YTHDF3: variants seen among roughly 807,000 people sequenced by gnomAD.
YTHDF3 encodes the protein YTH N6-methyladenosine RNA binding protein F3.
YTHDF3 carries 9 observed loss-of-function variants against 52.5 expected under a neutral mutation model. The ratio of observed to expected loss-of-function variants is 0.17; its 90% confidence interval spans 0.10 to 0.30. The LOEUF is 0.30. Ranked by LOEUF, YTHDF3 falls within the 10% of genes least tolerant of loss-of-function variation. YTHDF3 has a pLI of 1.00. For synonymous variants in YTHDF3, 274 were observed against 243.3 expected (o/e 1.13, Z -1.18); for missense variants, 534 against 715.0 (o/e 0.75, Z 2.89).
chr8:63,168,981 C>T lies in YTHDF3; in HGVS notation c.24+80C>T, dbSNP rs1036863792. Reference sequence around the variant, plus strand: ...CTCGCGCGGGGCTTCGGCTCCTCCCCGTCGCCGCCGCTGCCGGCCCCATAA... The same window carrying T: ...CTCGCGCGGGGCTTCGGCTCCTCCCTGTCGCCGCCGCTGCCGGCCCCATAA... On this transcript the variant is annotated intron_variant, in intron 1 of 4. Coordinates refer to ENST00000539294, the MANE Select transcript of YTHDF3 (RefSeq NM_152758.6). 101 of 1,508,938 alleles carry T rather than the reference C, an allele frequency of 6.7e-5. No individual in the cohort carries two copies. In the East Asian group the frequency reaches 2.5e-3, roughly 37 times the overall value. 93.5% of individuals were successfully genotyped at this position (1,508,938 alleles called of 1,614,324 possible).
intron 3 of YTHDF3, among the ~76,000 whole-genome samples, chr8:63,176,555 C>T (rs774411240): frequency 6.6e-6 from 1 of 152,040 alleles, no homozygotes; most frequent in South Asian, 2.1e-4. Context: ...GCTGGGATTA[C>T]AGGTGTGAGC....
intron 2 of YTHDF3, 106 bp downstream of exon 2, chr8:63,169,517 G>A (rs1345160640): frequency 8.1e-7 from 1 of 1,237,976 alleles, no homozygotes; most frequent in Non-Finnish European, 1.1e-6. Context: ...GGGAAAAAAT[G>A]TAGGATTAGG....
chr8:63,185,832 T>C (rs914892698), intron 3 of YTHDF3, among the ~76,000 whole-genome samples: 1 of 152,206 alleles, frequency 6.6e-6, no homozygotes, highest in African/African-American at 2.4e-5. Flanking sequence ...TAGCCTTTTG[T>C]AGAAATTATG....
intron 3 of YTHDF3, among the ~76,000 whole-genome samples, chr8:63,185,063 A>G (rs973117212): frequency 6.6e-6 from 1 of 152,132 alleles, no homozygotes; most frequent in Admixed American, 6.5e-5. Flanking sequence ...TGGATGTTGC[A>G]GTGAGCCAAG....
intron 4 of YTHDF3, 81 bp downstream of exon 4, chr8:63,187,826 CT>C: frequency 6.9e-7 from 1 of 1,440,030 alleles, no homozygotes; most frequent in Admixed American, 2.8e-5. Flanking sequence ...AGTTTAAGAA[CT>C]TTCTGTGAAG....
In YTHDF3 at chr8:63,186,780, A is replaced by C. The variant is rs1301644028; in HGVS notation, c.769A>C (p.Asn257His). 6.2e-7 allele frequency: 1 copy of C among 1,613,876 alleles called. No individual in the cohort carries two copies. Among genetic ancestry groups the C allele is most frequent in the East Asian group, 2.2e-5 (1 of 44,896 alleles). ...TCAACCGAAACTTAAACCCAAGGGC[A>C]ATGTGGGAATTGGGGGTTCTGCTGT... ...KPQPKLKPKGNVGIGGSAVPP... is the reference protein window; with the variant it reads ...KPQPKLKPKGHVGIGGSAVPP... Residue 257 changes from asparagine (N) to histidine (H), a missense_variant, in exon 4 of 5, where the codon AAT becomes CAT. Asn to His is a moderately conservative substitution (Grantham distance 68, BLOSUM62 1). Coordinates refer to ENST00000539294, the MANE Select transcript of YTHDF3 (RefSeq NM_152758.6).
intron 4 of YTHDF3, among the ~76,000 whole-genome samples, chr8:63,197,629 G>T (rs1007347847): frequency 6.6e-6 from 1 of 152,098 alleles, no homozygotes; most frequent in Non-Finnish European, 1.5e-5. Context: ...AGAGAAGTGG[G>T]ATATACCATA....
At chr8:63,178,341 C>G (rs181187838) in intron 3 of YTHDF3, among the ~76,000 whole-genome samples, 1 of 151,712 alleles carries the variant, frequency 6.6e-6, no homozygotes, top group Admixed American at 6.6e-5. Flanking sequence ...TTTATCTGTT[C>G]TATATATTGG....
intron 4 of YTHDF3, among the ~76,000 whole-genome samples, chr8:63,207,522 T>G (rs1249341453): frequency 1.3e-5 from 2 of 152,144 alleles, no homozygotes; most frequent in Admixed American, 1.3e-4. Flanking sequence ...TTGGGGTATT[T>G]TCTTTATTCT....
At chr8:63,198,261 C>G (rs1037844581) in intron 4 of YTHDF3, among the ~76,000 whole-genome samples, 2 of 151,854 alleles carry the variant, frequency 1.3e-5, no homozygotes, top group Admixed American at 1.3e-4. Context: ...CCCCACTCCC[C>G]CACCTTCCCT....
intron 4 of YTHDF3, among the ~76,000 whole-genome samples, chr8:63,200,764 A>T (rs1013644926): frequency 2.0e-5 from 3 of 152,196 alleles, no homozygotes; most frequent in African/African-American, 7.2e-5. Context: ...TGTTATCTTT[A>T]TTTCTAGCAA....
At chr8:63,169,108 G>A (rs1030706371) in intron 1 of YTHDF3, 41 of 1,384,226 alleles carry the variant, frequency 3.0e-5, no homozygotes, top group Non-Finnish European at 3.8e-5. Context: ...CGCGGCGGGT[G>A]GGGGCAAGGA....
Position 63,186,138 on chromosome 8 carries a change from GT to G in YTHDF3, c.136-5del. ...ATTTCGCTACTGATTGTGATATTTT[GT>G]TTTGCAGAGTAACAGCTATCCACCA... On this transcript the variant is annotated splice_region_variant and splice_polypyrimidine_tract_variant and intron_variant, in intron 3 of 4. Transcript: ENST00000539294. 6.3e-7 allele frequency: 1 copy of G among 1,590,334 alleles called. No homozygotes were observed. Among genetic ancestry groups the G allele is most frequent in the East Asian group, 2.3e-5 (1 of 44,372 alleles).
intron 3 of YTHDF3, among the ~76,000 whole-genome samples, chr8:63,183,985 G>A (rs1423935336): frequency 6.6e-6 from 1 of 152,084 alleles, no homozygotes; most frequent in Non-Finnish European, 1.5e-5. Context: ...ACCTAATACA[G>A]TGTAAATGGT....
chr8:63,187,676 T>C lies in YTHDF3; in HGVS notation c.1665T>C (p.His555=), dbSNP rs1382098108. Residue 555 remains histidine (H), a synonymous_variant, in exon 4 of 5, where the codon CAT becomes CAC. Transcript: ENST00000539294. ...TTAAAATAATTGCTACTTTCAAGCA[T>C]ACCACCTCAATCTTTGATGACTTTG... ...QVLKIIATFK[H]TTSIFDDFAH... 1.9e-6 allele frequency: 3 copies of C among 1,611,702 alleles called. No homozygotes were observed. Among genetic ancestry groups the C allele is most frequent in the Non-Finnish European group, 2.5e-6 (3 of 1,178,746 alleles).
In YTHDF3 at chr8:63,171,849, T is replaced by TA. The variant is rs1455036277; in HGVS notation, c.49+2439dup. On this transcript the variant is annotated intron_variant, in intron 2 of 4. Transcript: ENST00000539294. ...AACACGTAATCCTTTTCAGTCAACT[T>TA]ACTATAATTTCAGAGATCCTGTTTC... Among the ~76,000 whole-genome samples the TA allele has an allele frequency of 9.2e-5, 14 of 152,326 alleles. No individual in the cohort carries two copies. The East Asian group carries it at 2.5e-3, about 27-fold the overall frequency.
intron 2 of YTHDF3, chr8:63,173,735 A>G (rs962736507): frequency 1.3e-5 from 13 of 966,014 alleles, no homozygotes; most frequent in Middle Eastern, 5.3e-4. Context: ...TAATGGCACT[A>G]GAAGTAACCT....
intron 3 of YTHDF3, among the ~76,000 whole-genome samples, chr8:63,183,418 T>C (rs1808286573): frequency 6.6e-6 from 1 of 152,222 alleles, no homozygotes; most frequent in Non-Finnish European, 1.5e-5. Context: ...AGTGATCAAA[T>C]TTTACGCATT....
intron 3 of YTHDF3, among the ~76,000 whole-genome samples, chr8:63,180,093 C>G (rs1028135634): frequency 6.6e-5 from 10 of 151,682 alleles, no homozygotes; most frequent in African/African-American, 2.4e-4. Flanking sequence ...CACCTCCCTC[C>G]CGGACGAGGT....
Sources: allele counts gnomAD v4.1 joint callset (sites outside exome capture counted in the v4.1 genomes callset), GRCh38; gene constraint gnomAD v4.1.1; transcripts MANE v1.5; gene names NCBI Gene and HGNC (gene_info 2026-07-23, HGNC 2026-07-21).